The following PODXL variants were observed in gnomAD, a reference collection of about 807,000 sequenced individuals.
The protein encoded by PODXL is podocalyxin.
Under a neutral mutation model 48.9 loss-of-function variants are expected in PODXL, and 20 were observed. The observed-to-expected ratio is 0.41, with a 90% confidence interval of 0.29 to 0.59. The LOEUF (loss-of-function observed/expected upper bound fraction) is 0.59, where lower values mean the gene tolerates loss of function less well. PODXL is among the 20% of genes least tolerant of loss of function. PODXL has a pLI of 0.31. For missense variants in PODXL, 606 were observed against 675.1 expected, an observed-to-expected ratio of 0.90 and a Z score of 1.13; for synonymous variants, 295 against 287.4, an observed-to-expected ratio of 1.03 and a Z score of -0.27.
chr7:131,537,396 G>C (rs1798392555), intron 1 of PODXL, among the ~76,000 whole-genome samples: 1 of 151,936 alleles, frequency 6.6e-6, no homozygotes, highest in African/African-American at 2.4e-5. Flanking sequence ...AGACAATCCT[G>C]GCCAATATGG....
intron 1 of PODXL, among the ~76,000 whole-genome samples, chr7:131,521,089 A>AC (rs1024519625): frequency 3.3e-5 from 5 of 149,870 alleles, no homozygotes; most frequent in African/African-American, 9.8e-5. Context: ...ATTTACTTGA[A>AC]CCCAGGAGGC....
chr7:131,515,287 T>C (rs1321985078), intron 1 of PODXL, among the ~76,000 whole-genome samples: 1 of 152,218 alleles, frequency 6.6e-6, no homozygotes, highest in Non-Finnish European at 1.5e-5. Context: ...TGTTTGCAGC[T>C]GAAGGGCTGA....
chr7:131,522,940 T>C (rs904262105), intron 1 of PODXL, among the ~76,000 whole-genome samples: 1 of 152,262 alleles, frequency 6.6e-6, no homozygotes, highest in Non-Finnish European at 1.5e-5. Context: ...CTGATGAACA[T>C]TTGGGTTGTT....
intron 1 of PODXL, among the ~76,000 whole-genome samples, chr7:131,512,279 A>G (rs1797926568): frequency 6.6e-6 from 1 of 152,210 alleles, no homozygotes; most frequent in East Asian, 1.9e-4. Flanking sequence ...CGTACCCTCA[A>G]GAAGCTAACA....
chr7:131,521,496 C>T (rs1324800224), intron 1 of PODXL, among the ~76,000 whole-genome samples: 1 of 152,008 alleles, frequency 6.6e-6, no homozygotes, highest in Non-Finnish European at 1.5e-5. Context: ...CATGCACCAC[C>T]ACGCCCGGTT....
intron 1 of PODXL, among the ~76,000 whole-genome samples, chr7:131,523,783 A>G (rs6968481): frequency 0.19 from 28,621 of 149,348 alleles, 5,368 homozygotes; most frequent in African/African-American, 0.48. Context: ...ATATTTGCAG[A>G]AAAATCATCT....
At chr7:131,548,772 C>T (rs1403958658) in intron 1 of PODXL, among the ~76,000 whole-genome samples, 4 of 152,212 alleles carry the variant, frequency 2.6e-5, no homozygotes, top group Non-Finnish European at 5.9e-5. Flanking sequence ...GCACAGGAGA[C>T]ATGGCCCCCT....
chr7:131,551,142 T>C (rs1328408797), intron 1 of PODXL, among the ~76,000 whole-genome samples: 1 of 152,218 alleles, frequency 6.6e-6, no homozygotes, highest in African/African-American at 2.4e-5. Context: ...GCTTTTCTTA[T>C]AGAGAATGCC....
Position 131,503,296 on chromosome 7 carries a change from C to T in PODXL, c.*1015G>A, listed in dbSNP as rs1490417073. On this transcript the variant is annotated 3_prime_UTR_variant, in exon 9 of 9. Coordinates refer to ENST00000378555, the MANE Select transcript of PODXL (RefSeq NM_001018111.3). Reference sequence around the variant, plus strand: ...CAGCCACTGCTCTTTCATACTGGGTCTCAGGGAATCACTCCCATCAGCTGA... The same window carrying T: ...CAGCCACTGCTCTTTCATACTGGGTTTCAGGGAATCACTCCCATCAGCTGA... 1 of 152,628 alleles carries T rather than the reference C, an allele frequency of 6.6e-6. No individual in the cohort carries two copies. Among genetic ancestry groups the T allele is most frequent in the African/African-American group, 2.4e-5 (1 of 41,454 alleles). 9.5% of individuals were successfully genotyped at this position (152,628 alleles called of 1,614,324 possible).
At chr7:131,522,581 G>A (rs927345273) in intron 1 of PODXL, among the ~76,000 whole-genome samples, 3 of 152,166 alleles carry the variant, frequency 2.0e-5, no homozygotes, top group South Asian at 2.1e-4. Context: ...CGGGTGCACC[G>A]AAGGTATTCA....
At chr7:131,527,395 G>T (rs137885427) in intron 1 of PODXL, among the ~76,000 whole-genome samples, 2 of 152,356 alleles carry the variant, frequency 1.3e-5, no homozygotes, top group Non-Finnish European at 2.9e-5. Context: ...GGAAACAGAA[G>T]ATGTTACTAA....
intron 3 of PODXL, 105 bp downstream of exon 3, chr7:131,510,131 C>G (rs1797882960): frequency 4.9e-6 from 2 of 406,986 alleles, no homozygotes; most frequent in Admixed American, 5.6e-5. Context: ...GGCTCTTGAT[C>G]CATAGGTAGA....
intron 6 of PODXL, 88 bp from the exon 7 acceptor site, chr7:131,506,409 G>A (rs1045410236): frequency 2.4e-5 from 35 of 1,474,842 alleles, no homozygotes; most frequent in South Asian, 7.9e-5. Context: ...GGGACGCACC[G>A]TATCTCAGTC....
At chr7:131,554,952 A>G (rs1798720360) in intron 1 of PODXL, among the ~76,000 whole-genome samples, 1 of 152,104 alleles carries the variant, frequency 6.6e-6, no homozygotes, top group Non-Finnish European at 1.5e-5. Context: ...CTCACACTGC[A>G]GCCCCTCTTC....
At chr7:131,546,881 A>ACCTT (rs1202193580) in intron 1 of PODXL, among the ~76,000 whole-genome samples, 1 of 152,112 alleles carries the variant, frequency 6.6e-6, no homozygotes, top group African/African-American at 2.4e-5. Flanking sequence ...CACCCTGGCC[A>ACCTT]CCTTCATCTA....
intron 5 of PODXL, 198 bp from the exon 6 acceptor site, chr7:131,506,924 C>T: frequency 1.7e-6 from 1 of 604,918 alleles, no homozygotes; most frequent in Non-Finnish European, 2.9e-6. Context: ...CAGTTCCTGC[C>T]TCCTCTGTCT....
At position 131,503,714 on chromosome 7, in the gene PODXL, A is replaced by T; in HGVS notation, c.*597T>A. 2 of 156,732 alleles carry T rather than the reference A, an allele frequency of 1.3e-5. No individual in the cohort carries two copies. Among genetic ancestry groups the T allele is most frequent in the South Asian group, 2.0e-4 (1 of 5,118 alleles). The allele number at this position is 156,732 out of a possible 1,614,324, so 9.7% of individuals were successfully genotyped here. ...ACACTGAGTGTAGGGAGGGGTAAGA[A>T]CATAGAGGGTGGGAAGATGGGTACA... On this transcript the variant is annotated 3_prime_UTR_variant, in exon 9 of 9. Coordinates refer to ENST00000378555, the MANE Select transcript of PODXL (RefSeq NM_001018111.3).
rs138160964 is a variant in PODXL, at chr7:131,508,981, G to T, written c.1071C>A (p.Leu357=). The T allele has an allele frequency of 3.7e-6, 6 of 1,613,796 alleles. No homozygotes were observed. The Admixed American group carries it at 5.0e-5, about 13-fold the overall frequency. ...GGGTGTTTCCTGTGAGGTTCAGGAC[G>T]AGCTGCTTCTCACTCTGTGTCTGTG... ...LETQTQSEKQ[L]VLNLTGNTLC... is the part of the protein sequence containing the mutation. Residue 357 remains leucine, a synonymous_variant, in exon 5 of 9, where the codon CTC becomes CTA. Coordinates refer to ENST00000378555, the MANE Select transcript of PODXL (RefSeq NM_001018111.3).
At chr7:131,525,426 CAAAAAAAAAAAAA>C (rs57927217) in intron 1 of PODXL, among the ~76,000 whole-genome samples, 4 of 59,248 alleles carry the variant, frequency 6.8e-5, no homozygotes, top group African/African-American at 2.3e-4. Flanking sequence ...TCATCTCTAC[CAAAAAAAAAAAAA>C]AAAAAAAAAA....
Sources: allele counts gnomAD v4.1 joint callset (sites outside exome capture counted in the v4.1 genomes callset), GRCh38; gene constraint gnomAD v4.1.1; transcripts MANE v1.5; gene names NCBI Gene and HGNC (gene_info 2026-07-23, HGNC 2026-07-21).